Variants in NOL4 observed in about 807,000 individuals in gnomAD.
The protein encoded by NOL4 is cancer/testis antigen 125.
A neutral mutation model predicts 75.9 loss-of-function variants in NOL4; 17 were observed. The observed-to-expected ratio is 0.22, with a 90% CI of 0.15 to 0.34. NOL4 has a LOEUF of 0.34. NOL4 is among the 10% of genes least tolerant of loss of function. NOL4 has a pLI of 1.00. For missense variants in NOL4, 614 were observed against 793.5 expected, an observed-to-expected ratio of 0.77 and a Z score of 2.72; for synonymous variants, 292 against 289.9, an observed-to-expected ratio of 1.01 and a Z score of -0.07.
At chr18:33,948,962 T>G (rs1270626391) in intron 8 of NOL4, among the ~76,000 whole-genome samples, 1 of 151,978 alleles carries the variant, frequency 6.6e-6, no homozygotes, top group Non-Finnish European at 1.5e-5. Flanking sequence ...ACCTAAAAGA[T>G]TTTTCAGAAA....
chr18:33,911,306 TTCTC>T (rs965571756), intron 9 of NOL4, among the ~76,000 whole-genome samples: 15 of 152,150 alleles, frequency 9.9e-5, no homozygotes, highest in African/African-American at 3.4e-4. Flanking sequence ...CTGAGAAATG[TTCTC>T]TCTCTCTTTT....
chr18:34,058,197 G>C (rs536290678), intron 5 of NOL4, among the ~76,000 whole-genome samples: 2 of 152,012 alleles, frequency 1.3e-5, no homozygotes, highest in Non-Finnish European at 2.9e-5. Context: ...GCAATGGCAC[G>C]ATCTCGGCTC....
Position 33,943,188 on chromosome 18 carries a change from A to C in NOL4, c.1429-10T>G, listed in dbSNP as rs751350444. On this transcript the variant is annotated splice_polypyrimidine_tract_variant and intron_variant, in intron 8 of 10. Transcript: ENST00000261592. ...AAGGAATAGGTCGAGACTAAAAAAA[A>C]AAAGAGAAAAGTATGAAAAAAATTA... 6.3e-7 allele frequency: 1 copy of C among 1,588,810 alleles called. No homozygotes were observed. The highest frequency in any genetic ancestry group is 1.1e-5 in the South Asian group (1 of 89,704).
chr18:34,038,475 G>A (rs1467914765), intron 5 of NOL4, among the ~76,000 whole-genome samples: 1 of 152,010 alleles, frequency 6.6e-6, no homozygotes, highest in African/African-American at 2.4e-5. Context: ...CAAAAATATG[G>A]AATCAGCTTA....
At chr18:34,157,586 TG>T (rs1196518643) in intron 1 of NOL4, among the ~76,000 whole-genome samples, 1 of 149,900 alleles carries the variant, frequency 6.7e-6, no homozygotes, top group Admixed American at 6.7e-5. Flanking sequence ...AAACAATTGA[TG>T]TGGATGAAAA....
At chr18:34,020,377 T>C (rs2074966925) in intron 5 of NOL4, among the ~76,000 whole-genome samples, 2 of 152,222 alleles carry the variant, frequency 1.3e-5, no homozygotes, top group South Asian at 4.1e-4. Flanking sequence ...AAAAATTCTC[T>C]GATAAAAAGC....
rs1221602049 is a variant in NOL4, at chr18:33,852,736, C to A, written c.*106G>T. 8.3e-6 allele frequency: 8 copies of A among 968,542 alleles called. No individual in the cohort carries two copies. The highest frequency in any genetic ancestry group is 3.2e-4 in the Middle Eastern group (1 of 3,100). The allele number at this position is 968,542 out of a possible 1,614,324, so 60.0% of individuals were successfully genotyped here. On this transcript the variant is annotated 3_prime_UTR_variant, in exon 11 of 11. Coordinates refer to ENST00000261592, the MANE Select transcript of NOL4 (RefSeq NM_003787.5). The stretch of plus-strand genomic sequence containing the variant: ...AATGTGGCATAATGGAAGTATTTCT[C>A]TTAAAAGACTGTGCAGTAAGACCAG...
At position 33,909,845 on chromosome 18, in the gene NOL4, AT is replaced by A. The variant is rs574301510; in HGVS notation, c.1543-26422del. Among the ~76,000 whole-genome samples, 798 of 152,148 alleles carry A rather than the reference AT, an allele frequency of 5.2e-3. 7 individuals carry two copies. Among genetic ancestry groups the A allele is most frequent in the African/African-American group, 0.018 (766 of 41,490 alleles). On this transcript the variant is annotated intron_variant, in intron 9 of 10. Transcript: ENST00000261592. ...AAGGATAAAATATATAAAAAAAAAA[AT>A]TATTTCATGCAGTGATAACCATTAA...
chr18:33,979,178 A>C (rs1168566279), intron 6 of NOL4, among the ~76,000 whole-genome samples: 1 of 152,120 alleles, frequency 6.6e-6, no homozygotes, highest in African/African-American at 2.4e-5. Context: ...CTTAGAAGGA[A>C]GACTCAAATA....
At chr18:34,130,120 C>G (rs987289465) in intron 1 of NOL4, 100 bp from the exon 2 acceptor site, 4 of 1,165,516 alleles carry the variant, frequency 3.4e-6, no homozygotes, top group Non-Finnish European at 3.4e-6. Flanking sequence ...ATAACCTCAA[C>G]AAAATCATCT....
At chr18:33,882,704 G>T (rs2064370261) in intron 10 of NOL4, among the ~76,000 whole-genome samples, 1 of 151,752 alleles carries the variant, frequency 6.6e-6, no homozygotes, top group Admixed American at 6.6e-5. Context: ...TCCCATTACT[G>T]GGTATATACC....
intron 10 of NOL4, among the ~76,000 whole-genome samples, chr18:33,862,199 G>A (rs2063176987): frequency 6.6e-6 from 1 of 152,044 alleles, no homozygotes; most frequent in South Asian, 2.1e-4. Context: ...AATGGTGCTG[G>A]GAAAACTGGC....
At chr18:34,148,262 A>T (rs2081494087) in intron 1 of NOL4, among the ~76,000 whole-genome samples, 1 of 151,504 alleles carries the variant, frequency 6.6e-6, no homozygotes, top group South Asian at 2.1e-4. Context: ...CTAGCTTTTG[A>T]ATTTGTTTGC....
At chr18:33,948,935 G>T (rs1375343025) in intron 8 of NOL4, among the ~76,000 whole-genome samples, 2 of 151,964 alleles carry the variant, frequency 1.3e-5, no homozygotes, top group Admixed American at 6.6e-5. Context: ...CAATTCTGAA[G>T]CTCTAATATT....
chr18:34,077,134 G>A (rs1336010009), intron 5 of NOL4, among the ~76,000 whole-genome samples: 3 of 151,772 alleles, frequency 2.0e-5, no homozygotes, highest in Non-Finnish European at 4.4e-5. Flanking sequence ...GGTGAAACCC[G>A]GTCTCTACAA....
rs1393365247 is a variant in NOL4 at position 34,223,315 on chromosome 18, G to A, written c.-62C>T. The A allele has an allele frequency of 1.3e-6, 2 of 1,569,524 alleles. No individual in the cohort carries two copies. Among genetic ancestry groups the A allele is most frequent in the Non-Finnish European group, 1.7e-6 (2 of 1,160,896 alleles). On this transcript the variant is annotated 5_prime_UTR_variant, in exon 1 of 11. Coordinates refer to ENST00000261592, the MANE Select transcript of NOL4 (RefSeq NM_003787.5). ...CGCACTTCGCACCTGTTCACCCTAGGCTCATGAAAAATGCAGCCCCGGCCA... is the reference window on the plus strand; with the variant it reads ...CGCACTTCGCACCTGTTCACCCTAGACTCATGAAAAATGCAGCCCCGGCCA...
intron 1 of NOL4, among the ~76,000 whole-genome samples, chr18:34,162,902 G>A (rs534523492): frequency 5.9e-5 from 9 of 152,214 alleles, no homozygotes; most frequent in African/African-American, 2.2e-4. Flanking sequence ...ATGATCAAGT[G>A]GGCTTCATCC....
intron 6 of NOL4, among the ~76,000 whole-genome samples, chr18:34,014,359 G>A (rs548504116): frequency 1.2e-3 from 176 of 151,924 alleles, no homozygotes; most frequent in Non-Finnish European, 1.8e-3. Flanking sequence ...CAATAATCAC[G>A]TGCCCACCGC....
At chr18:34,133,199 G>A (rs2080737651) in intron 1 of NOL4, among the ~76,000 whole-genome samples, 1 of 151,182 alleles carries the variant, frequency 6.6e-6, no homozygotes, top group Non-Finnish European at 1.5e-5. Flanking sequence ...TTGAACCTGG[G>A]AGGTGGAGGT....
Sources: allele counts gnomAD v4.1 joint callset (sites outside exome capture counted in the v4.1 genomes callset), GRCh38; gene constraint gnomAD v4.1.1; transcripts MANE v1.5; gene names NCBI Gene and HGNC (gene_info 2026-07-23, HGNC 2026-07-21).